The following TRNAU1AP variants were observed in gnomAD, a reference collection of about 807,000 sequenced individuals.
The protein encoded by TRNAU1AP is tRNA selenocysteine 1 associated protein 1, also known as tRNA selenocysteine 1-associated protein 1.
TRNAU1AP carries 33 observed loss-of-function variants against 43.3 expected under a neutral mutation model. That is an observed-to-expected ratio of 0.76 (90% confidence interval 0.58 to 1.02). The LOEUF (loss-of-function observed/expected upper bound fraction) is 1.02, where lower values mean the gene tolerates loss of function less well. Ranked by LOEUF, TRNAU1AP falls within the 50% of genes least tolerant of loss-of-function variation. The probability of loss-of-function intolerance (pLI) is 0.00; values close to 1 mark genes in which losing one functional copy is unlikely to be tolerated. For missense variants in TRNAU1AP, 290 were observed against 362.7 expected (o/e 0.80, Z 1.63); for synonymous variants, 143 against 129.1 (o/e 1.11, Z -0.73).
chr1:28,561,457 A>G (rs1340962618), intron 4 of TRNAU1AP, 59 bp downstream of exon 4: 2 of 1,596,698 alleles, frequency 1.3e-6, no homozygotes, highest in East Asian at 2.2e-5. Flanking sequence ...TGTCACTGCC[A>G]TATAGGAGGA....
At chr1:28,577,478 C>G in intron 8 of TRNAU1AP, 22 bp from the exon 9 acceptor site, 6 of 1,612,440 alleles carry the variant, frequency 3.7e-6, no homozygotes, top group Non-Finnish European at 5.1e-6. Flanking sequence ...CTTCCCTGAC[C>G]CCATCCTTGC....
In TRNAU1AP at chr1:28,553,085, G is replaced by T. The variant is rs758951736; in HGVS notation, c.-26G>T. The T allele has an allele frequency of 2.4e-5, 37 of 1,523,704 alleles. No homozygotes were observed. The highest frequency in any genetic ancestry group is 1.9e-5 in the Non-Finnish European group (22 of 1,134,404). 94.4% of individuals were successfully genotyped at this position (1,523,704 alleles called of 1,614,324 possible). A position where few individuals can be genotyped will look rare whatever the true frequency, so the allele number is the denominator to read the frequency against. ...GAGCCCCGCCCGCAGAGCCCCGCCCGCAAAGCCCCACCCCGGTGCGCGGGT... is the reference window on the plus strand; with the variant it reads ...GAGCCCCGCCCGCAGAGCCCCGCCCTCAAAGCCCCACCCCGGTGCGCGGGT... On this transcript the variant is annotated 5_prime_UTR_variant, in exon 1 of 9. Coordinates refer to ENST00000373830, the MANE Select transcript of TRNAU1AP (RefSeq NM_017846.5).
At chr1:28,561,419 A>G (rs1340452479) in intron 4 of TRNAU1AP, 21 bp downstream of exon 4, 40 of 1,613,612 alleles carry the variant, frequency 2.5e-5, no homozygotes, top group Non-Finnish European at 3.3e-5. Context: ...AGTCATGTCT[A>G]GACAGACATA....
In TRNAU1AP at chr1:28,571,354, C is replaced by T. The variant is rs1282676509; in HGVS notation, c.693+16C>T. On this transcript the variant is annotated intron_variant, in intron 7 of 8. Transcript: ENST00000373830. Reference sequence around the variant, plus strand: ...CACCATGCAGGTAACCATGACTTGGCAAGACTGGTCCCCTTGGGTTGTGTT... The same window carrying T: ...CACCATGCAGGTAACCATGACTTGGTAAGACTGGTCCCCTTGGGTTGTGTT... 3.7e-6 allele frequency: 6 copies of T among 1,613,394 alleles called. No individual in the cohort carries two copies. Among genetic ancestry groups the T allele is most frequent in the Non-Finnish European group, 5.1e-6 (6 of 1,179,464 alleles).
intron 1 of TRNAU1AP, 63 bp downstream of exon 1, chr1:28,553,200 A>C: frequency 7.0e-7 from 1 of 1,436,234 alleles, no homozygotes; most frequent in Non-Finnish European, 9.2e-7. Context: ...GCGAGAGAGG[A>C]AGGATCTGAG....
intron 2 of TRNAU1AP, among the ~76,000 whole-genome samples, chr1:28,559,084 T>G (rs545154363): frequency 6.6e-6 from 1 of 151,790 alleles, no homozygotes; most frequent in South Asian, 2.1e-4. Flanking sequence ...TATTTTTTAT[T>G]TTTTTGAGAC....
chr1:28,572,630 T>G (rs1394225334), intron 8 of TRNAU1AP, among the ~76,000 whole-genome samples: 1 of 151,864 alleles, frequency 6.6e-6, no homozygotes, highest in Non-Finnish European at 1.5e-5. Flanking sequence ...GGATGGAAAA[T>G]TTGGAAAATA....
At chr1:28,564,645 CT>C in intron 4 of TRNAU1AP, 57 bp from the exon 5 acceptor site, 1 of 1,568,558 alleles carries the variant, frequency 6.4e-7, no homozygotes, top group Non-Finnish European at 8.6e-7. Flanking sequence ...TGCAAAAGAG[CT>C]TTTCAGAGCA....
intron 8 of TRNAU1AP, among the ~76,000 whole-genome samples, chr1:28,573,482 TA>T (rs1665707590): frequency 6.6e-6 from 1 of 150,856 alleles, no homozygotes; most frequent in Non-Finnish European, 1.5e-5. Flanking sequence ...CTACTAAAAA[TA>T]AAAAAATTGC....
In TRNAU1AP at chr1:28,559,898, G is replaced by A. The variant is rs925632392; in HGVS notation, c.126-735G>A. 4.6e-5 allele frequency among the ~76,000 whole-genome samples: 7 copies of A among 152,234 alleles called. No homozygotes were observed. In the South Asian group the frequency reaches 1.0e-3, roughly 23 times the overall value. ...TGTAATCCCGGAACTTTGGGAGGCC[G>A]AAGTGGGTGGATCTCCTGAGGTCAG... On this transcript the variant is annotated intron_variant, in intron 2 of 8. Transcript: ENST00000373830.
At chr1:28,553,817 T>G in intron 2 of TRNAU1AP, 80 bp downstream of exon 2, 1 of 1,220,736 alleles carries the variant, frequency 8.2e-7, no homozygotes, top group Non-Finnish European at 1.2e-6. Context: ...TAGTCATGGC[T>G]TCTCACTACC....
chr1:28,558,620 A>G (rs1238689687), intron 2 of TRNAU1AP, among the ~76,000 whole-genome samples: 3 of 139,392 alleles, frequency 2.2e-5, no homozygotes, highest in African/African-American at 8.3e-5. Context: ...GCTGGAGTGC[A>G]GTGGCGTGAT....
chr1:28,560,307 C>T (rs1160861809), intron 2 of TRNAU1AP, among the ~76,000 whole-genome samples: 4 of 146,354 alleles, frequency 2.7e-5, no homozygotes, highest in Admixed American at 2.1e-4. Context: ...AAAACAGTCT[C>T]AAACCAGCCT....
At chr1:28,570,468 G>A (rs773359518) in intron 6 of TRNAU1AP, among the ~76,000 whole-genome samples, 1 of 151,630 alleles carries the variant, frequency 6.6e-6, no homozygotes, top group Non-Finnish European at 1.5e-5. Context: ...GCTAGTCTTG[G>A]AACTCCTGAC....
chr1:28,575,127 C>G (rs1436718040), intron 8 of TRNAU1AP, among the ~76,000 whole-genome samples: 2 of 152,060 alleles, frequency 1.3e-5, no homozygotes, highest in Non-Finnish European at 2.9e-5. Flanking sequence ...GTAGATAAGT[C>G]CTTAGAATTT....
intron 6 of TRNAU1AP, among the ~76,000 whole-genome samples, chr1:28,568,945 G>T (rs995459978): frequency 8.6e-5 from 13 of 151,978 alleles, no homozygotes; most frequent in Admixed American, 6.6e-4. Flanking sequence ...CCGAGTAGCT[G>T]GGACTACAGG....
rs776526504 is a variant in TRNAU1AP at position 28,567,348 on chromosome 1, G to A, written c.465G>A (p.Thr155=). The change falls in exon 6 of 9, where the codon ACG becomes ACA. Residue 155 remains threonine (T), a synonymous_variant. Coordinates refer to ENST00000373830, the MANE Select transcript of TRNAU1AP (RefSeq NM_017846.5). Reference sequence around the variant, plus strand: ...AACTGGAACAGAAGCGAGCCCTGACGGAGTGCCAGGGAGCAGTGGGACTGG... The same window carrying A: ...AACTGGAACAGAAGCGAGCCCTGACAGAGTGCCAGGGAGCAGTGGGACTGG... ...TDELEQKRAL[T]ECQGAVGLGS... is the part of the protein sequence containing the mutation. 8.7e-6 allele frequency: 14 copies of A among 1,613,732 alleles called. No individual in the cohort carries two copies. The South Asian group carries it at 1.2e-4, about 14-fold the overall frequency.
At chr1:28,577,454 C>T (rs754042926) in intron 8 of TRNAU1AP, 46 bp from the exon 9 acceptor site, 1 of 1,601,480 alleles carries the variant, frequency 6.2e-7, no homozygotes, top group South Asian at 1.1e-5. Flanking sequence ...AGGTCCCTTG[C>T]AGCTGTCCCT....
chr1:28,569,898 G>A (rs1233554445), intron 6 of TRNAU1AP, among the ~76,000 whole-genome samples: 1 of 150,638 alleles, frequency 6.6e-6, no homozygotes, highest in Non-Finnish European at 1.5e-5. Flanking sequence ...CTACTCGGGA[G>A]ACTGAGGCAG....
Sources: allele counts gnomAD v4.1 joint callset (sites outside exome capture counted in the v4.1 genomes callset), GRCh38; gene constraint gnomAD v4.1.1; transcripts MANE v1.5; gene names NCBI Gene and HGNC (gene_info 2026-07-23, HGNC 2026-07-21).